ZFAND1: variants seen among roughly 807,000 people sequenced by gnomAD.
ZFAND1 encodes zinc finger AN1-type containing 1.
ZFAND1 carries 40 observed loss-of-function variants against 38.5 expected under a neutral mutation model. The ratio of observed to expected loss-of-function variants is 1.04; its 90% CI spans 0.81 to 1.35. The LOEUF is 1.35. Among genes scored for constraint, ZFAND1 ranks in the 40% most tolerant of loss-of-function variants. ZFAND1 has a pLI of 0.00. For synonymous variants in ZFAND1, 117 were observed against 103.6 expected, an observed-to-expected ratio of 1.13 and a Z score of -0.78; for missense variants, 346 against 316.3, an observed-to-expected ratio of 1.09 and a Z score of -0.71.
intron 5 of ZFAND1, 99 bp downstream of exon 5, chr8:81,714,705 T>C: frequency 1.0e-6 from 1 of 969,414 alleles, no homozygotes; most frequent in Non-Finnish European, 1.6e-6. Context: ...CGAATACCAC[T>C]GGGGTTATTA....
At chr8:81,713,239 C>T (rs1049744598) in intron 6 of ZFAND1, among the ~76,000 whole-genome samples, 38 of 151,960 alleles carry the variant, frequency 2.5e-4, no homozygotes, top group Admixed American at 1.2e-3. Context: ...TCTCCTGCCT[C>T]AGCGTCCCGA....
At position 81,702,659 on chromosome 8, in the gene ZFAND1, T is replaced by C. The variant is rs1189402880; in HGVS notation, c.*36A>G. 2 of 1,394,198 alleles carry C rather than the reference T, an allele frequency of 1.4e-6. No homozygotes were observed. The highest frequency in any genetic ancestry group is 9.4e-7 in the Non-Finnish European group (1 of 1,063,716). 86.4% of individuals were successfully genotyped at this position (1,394,198 alleles called of 1,614,324 possible). A position where few individuals can be genotyped will look rare whatever the true frequency, so the allele number is the denominator to read the frequency against. ...AAATGGACTTAAACATGTAATAGAA[T>C]TTTCCCTGTGATTTCTGACTTGAAT... is the stretch of plus-strand genomic sequence containing the variant. On this transcript the variant is annotated 3_prime_UTR_variant, in exon 8 of 8. Coordinates refer to ENST00000220669, the MANE Select transcript of ZFAND1 (RefSeq NM_024699.3).
At position 81,721,247 on chromosome 8, in the gene ZFAND1, A is replaced by G; in HGVS notation, c.35T>C (p.Val12Ala). Residue 12 changes from valine to alanine, a missense_variant, in exon 1 of 8, where the codon GTG becomes GCG. Coordinates refer to ENST00000220669, the MANE Select transcript of ZFAND1 (RefSeq NM_024699.3). ...AELDIGQHCQVEHCRQRDFLP... is the reference protein window; with the variant it reads ...AELDIGQHCQAEHCRQRDFLP... ...ATCACCTCGCTGCCGGCAATGCTCC[A>G]CCTGGCAGTGCTGCCCGATGTCCAA... is the stretch of plus-strand genomic sequence containing the variant. The G allele has an allele frequency of 1.3e-6, 2 of 1,549,168 alleles. No individual in the cohort carries two copies. The highest frequency in any genetic ancestry group is 2.0e-4 in the Middle Eastern group (1 of 5,026).
chr8:81,714,237 C>G (rs1808231810), intron 5 of ZFAND1, 198 bp from the exon 6 acceptor site: 2 of 504,008 alleles, frequency 4.0e-6, no homozygotes, highest in Non-Finnish European at 6.6e-6. Context: ...TAGGCAATCT[C>G]CACATCAAAA....
At position 81,703,091 on chromosome 8, in the gene ZFAND1, T is replaced by C. The variant is rs1206929582; in HGVS notation, c.514A>G (p.Lys172Glu). The C allele has an allele frequency of 6.5e-7, 1 of 1,542,064 alleles. No individual in the cohort carries two copies. Among genetic ancestry groups the C allele is most frequent in the East Asian group, 2.3e-5 (1 of 43,494 alleles). Reference sequence around the variant, plus strand: ...GGTTTGCTCTTCTCTTTGCTCCCTTTAGGTAAGAAAACCTGAAAGTAAATT... The same window carrying C: ...GGTTTGCTCTTCTCTTTGCTCCCTTCAGGTAAGAAAACCTGAAAGTAAATT... ...ERIYFQVFLP[K>E]GSKEKSKPMF... is the part of the protein sequence containing the mutation. The change falls in exon 7 of 8, where the codon AAA becomes GAA. Residue 172 changes from lysine to glutamate, a missense_variant. Coordinates refer to ENST00000220669, the MANE Select transcript of ZFAND1 (RefSeq NM_024699.3).
chr8:81,711,633 G>A (rs1383368648), intron 6 of ZFAND1, among the ~76,000 whole-genome samples: 1 of 152,068 alleles, frequency 6.6e-6, no homozygotes, highest in Non-Finnish European at 1.5e-5. Flanking sequence ...CTGTCTAAAG[G>A]AGAAAGAAGG....
At chr8:81,716,027 T>G (rs934983112) in intron 3 of ZFAND1, among the ~76,000 whole-genome samples, 6 of 152,210 alleles carry the variant, frequency 3.9e-5, no homozygotes, top group African/African-American at 1.4e-4. Flanking sequence ...GCTAGGTAAT[T>G]CAAATTTTCC....
chr8:81,706,107 A>G (rs1807971843), intron 6 of ZFAND1, among the ~76,000 whole-genome samples: 1 of 152,166 alleles, frequency 6.6e-6, no homozygotes, highest in African/African-American at 2.4e-5. Flanking sequence ...GAAATTGGAA[A>G]ATATCACAAG....
chr8:81,711,182 G>A (rs1372144915), intron 6 of ZFAND1, among the ~76,000 whole-genome samples: 2 of 152,122 alleles, frequency 1.3e-5, no homozygotes, highest in African/African-American at 4.8e-5. Context: ...GGGAGGCAGA[G>A]GAGGGTGGAT....
In ZFAND1 at chr8:81,717,221, T is replaced by C. The variant is rs182421710; in HGVS notation, c.138+28A>G. 218 of 1,510,540 alleles carry C rather than the reference T, an allele frequency of 1.4e-4. No homozygotes were observed. The African/African-American group carries it at 2.7e-3, about 19-fold the overall frequency. 93.6% of individuals were successfully genotyped at this position (1,510,540 alleles called of 1,614,324 possible). ...GAAAGTACATAAATACGAATACATT[T>C]TATCAGATTGGAAAAATACTAACAT... is the stretch of plus-strand genomic sequence containing the variant. On this transcript the variant is annotated intron_variant, in intron 3 of 7. Coordinates refer to ENST00000220669, the MANE Select transcript of ZFAND1 (RefSeq NM_024699.3).
intron 5 of ZFAND1, chr8:81,714,501 G>A (rs528730645): frequency 3.0e-6 from 1 of 333,622 alleles, no homozygotes; most frequent in East Asian, 7.0e-5. Context: ...TTAATCTGTA[G>A]AGAAAGCAGC....
chr8:81,718,126 C>T (rs1808367985), intron 2 of ZFAND1, 56 bp downstream of exon 2: 4 of 1,338,678 alleles, frequency 3.0e-6, no homozygotes, highest in Non-Finnish European at 4.1e-6. Flanking sequence ...CAGAAATAAC[C>T]TCATATTAAT....
In ZFAND1 at chr8:81,701,818, A is replaced by C. The variant is rs1807820547; in HGVS notation, c.*877T>G. ...AAACAAAAAAAGGACAAATAGAAAT[A>C]CTTTCCATTCTGTCTATATAGTAGT... On this transcript the variant is annotated 3_prime_UTR_variant, in exon 8 of 8. Coordinates refer to ENST00000220669, the MANE Select transcript of ZFAND1 (RefSeq NM_024699.3). 2 of 152,248 alleles carry C rather than the reference A, an allele frequency of 1.3e-5. No homozygotes were observed. Among genetic ancestry groups the C allele is most frequent in the Admixed American group, 6.5e-5 (1 of 15,284 alleles). The allele number at this position is 152,248 out of a possible 1,614,324, so 9.4% of individuals were successfully genotyped here.
chr8:81,708,182 A>C (rs1417220979), intron 6 of ZFAND1, among the ~76,000 whole-genome samples: 1 of 150,198 alleles, frequency 6.7e-6, no homozygotes, highest in Non-Finnish European at 1.5e-5. Flanking sequence ...CTCAGGAGGC[A>C]GATGTTGCAG....
At chr8:81,720,749 T>C (rs902705595) in intron 1 of ZFAND1, 1 of 166,124 alleles carries the variant, frequency 6.0e-6, no homozygotes, top group African/African-American at 2.4e-5. Context: ...CGCGTCCCCA[T>C]ACCCGCGCTC....
upstream of ZFAND1, chr8:81,721,303 G>C (rs1257555781): frequency 6.5e-7 from 1 of 1,546,880 alleles, no homozygotes; most frequent in Admixed American, 2.0e-5. Context: ...CGTAAGGGGC[G>C]GGGCAAAGCC....
chr8:81,718,677 A>G (rs1386128088), intron 1 of ZFAND1, among the ~76,000 whole-genome samples: 3 of 149,402 alleles, frequency 2.0e-5, no homozygotes, highest in East Asian at 1.9e-4. Context: ...ATAAATATAT[A>G]TATTTATATC....
intron 1 of ZFAND1, among the ~76,000 whole-genome samples, chr8:81,719,959 G>C (rs1585932168): frequency 6.6e-6 from 1 of 152,294 alleles, no homozygotes; most frequent in South Asian, 2.1e-4. Context: ...AGCCAGTGGT[G>C]AAAGATAGAT....
intron 6 of ZFAND1, among the ~76,000 whole-genome samples, chr8:81,705,871 C>T (rs1807964774): frequency 6.6e-6 from 1 of 152,172 alleles, no homozygotes; most frequent in Non-Finnish European, 1.5e-5. Flanking sequence ...TGAGCCGAGA[C>T]TGTGCCACTG....
Sources: allele counts gnomAD v4.1 joint callset (sites outside exome capture counted in the v4.1 genomes callset), GRCh38; gene constraint gnomAD v4.1.1; transcripts MANE v1.5; gene names NCBI Gene and HGNC (gene_info 2026-07-23, HGNC 2026-07-21).